The following CSMD1 variants were observed in gnomAD, a reference collection of about 807,000 sequenced individuals.
CSMD1 encodes the protein CUB and Sushi multiple domains 1.
Under a neutral mutation model 417.5 loss-of-function variants are expected in CSMD1, and 213 were observed. That is an observed-to-expected ratio of 0.51 (90% confidence interval 0.46 to 0.57). The LOEUF (loss-of-function observed/expected upper bound fraction) is 0.57, where lower values mean the gene tolerates loss of function less well. Among genes scored for constraint, CSMD1 ranks in the 20% least tolerant of loss-of-function variants. The probability of loss-of-function intolerance (pLI) is 0.00; values close to 1 mark genes in which losing one functional copy is unlikely to be tolerated. For synonymous variants in CSMD1, 2,862 were observed against 1,736.8 expected (o/e 1.65, Z -16.11); for missense variants, 6,923 against 4,529.7 (o/e 1.53, Z -15.17).
At chr8:4,307,295 A>C (rs1798301676) in intron 3 of CSMD1, among the ~76,000 whole-genome samples, 1 of 152,100 alleles carries the variant, frequency 6.6e-6, no homozygotes, top group Non-Finnish European at 1.5e-5. Context: ...TATATATATT[A>C]ATCCCCTAGC....
intron 3 of CSMD1, among the ~76,000 whole-genome samples, chr8:4,399,228 C>A (rs946637231): frequency 2.0e-5 from 3 of 152,050 alleles, no homozygotes. Context: ...TATGACAAAC[C>A]GTATTTCCCC....
intron 7 of CSMD1, among the ~76,000 whole-genome samples, chr8:3,631,732 G>A (rs1173892692): frequency 6.6e-6 from 1 of 152,218 alleles, no homozygotes; most frequent in Non-Finnish European, 1.5e-5. Context: ...AACTCTCTGA[G>A]AATAGCATTT....
chr8:3,044,533 C>T (rs1030112126), intron 50 of CSMD1, among the ~76,000 whole-genome samples: 1 of 152,052 alleles, frequency 6.6e-6, no homozygotes, highest in African/African-American at 2.4e-5. Flanking sequence ...GACTGTTAAA[C>T]CCAGTCCGTT....
intron 3 of CSMD1, among the ~76,000 whole-genome samples, chr8:4,248,012 T>C (rs1486240583): frequency 6.6e-6 from 1 of 152,186 alleles, no homozygotes; most frequent in Non-Finnish European, 1.5e-5. Flanking sequence ...TCCATAATTG[T>C]ATATAGATTT....
At chr8:3,492,032 T>A (rs566903063) in intron 11 of CSMD1, among the ~76,000 whole-genome samples, 1 of 152,158 alleles carries the variant, frequency 6.6e-6, no homozygotes, top group Non-Finnish European at 1.5e-5. Flanking sequence ...TAGGAAGGGA[T>A]GAGGAAAAGG....
chr8:2,976,816 T>C (rs1217653471), intron 55 of CSMD1, among the ~76,000 whole-genome samples: 3 of 152,208 alleles, frequency 2.0e-5, no homozygotes, highest in African/African-American at 7.2e-5. Context: ...ACAGTCAATC[T>C]GATTTTTTTT....
chr8:3,436,068 C>A (rs1814538967), intron 12 of CSMD1, among the ~76,000 whole-genome samples: 3 of 152,180 alleles, frequency 2.0e-5, no homozygotes, highest in African/African-American at 7.2e-5. Flanking sequence ...TCCAGAGACT[C>A]ACACTGCTGG....
chr8:4,468,107 C>G (rs1278454424), intron 2 of CSMD1, among the ~76,000 whole-genome samples: 1 of 152,160 alleles, frequency 6.6e-6, no homozygotes, highest in Non-Finnish European at 1.5e-5. Flanking sequence ...GAACCGCTTT[C>G]TAAAATTCAG....
intron 6 of CSMD1, among the ~76,000 whole-genome samples, chr8:3,720,807 C>T (rs112552618): frequency 6.6e-5 from 10 of 151,730 alleles, no homozygotes; most frequent in African/African-American, 2.4e-4. Flanking sequence ...GAGATGTGAA[C>T]ATCTAACGTT....
chr8:4,958,631 G>A (rs1478071444), intron 1 of CSMD1, among the ~76,000 whole-genome samples: 5 of 152,110 alleles, frequency 3.3e-5, no homozygotes, highest in Non-Finnish European at 5.9e-5. Flanking sequence ...ATTCAAGTAT[G>A]GGATCTATGT....
chr8:3,386,465 C>A (rs191679320), intron 18 of CSMD1, among the ~76,000 whole-genome samples: 9 of 152,294 alleles, frequency 5.9e-5, no homozygotes, highest in African/African-American at 2.2e-4. Context: ...TGGTCTCGGC[C>A]ACAGTGCCAG....
chr8:2,974,325 C>T (rs1308625777), intron 56 of CSMD1, 126 bp downstream of exon 56: 7 of 899,450 alleles, frequency 7.8e-6, no homozygotes, highest in Non-Finnish European at 9.5e-6. Context: ...AAATGCAATA[C>T]TAATTTCAAA....
At position 3,503,294 on chromosome 8, in the gene CSMD1, C is replaced by G. The variant is rs918829315; in HGVS notation, c.1345-9568G>C. Among the ~76,000 whole-genome samples, 7 of 152,174 alleles carry G rather than the reference C, an allele frequency of 4.6e-5. No homozygotes were observed. The East Asian group carries it at 5.8e-4, about 13-fold the overall frequency. On this transcript the variant is annotated intron_variant, in intron 10 of 69. Coordinates refer to ENST00000635120, the MANE Select transcript of CSMD1 (RefSeq NM_033225.6). ...CCCCACATATAAACACTAGGAGTCT[C>G]TTATAAACTACAATTCAATGCACTG... is the stretch of plus-strand genomic sequence containing the variant.
intron 3 of CSMD1, among the ~76,000 whole-genome samples, chr8:4,368,909 G>C (rs1264903317): frequency 6.6e-6 from 1 of 151,782 alleles, no homozygotes; most frequent in African/African-American, 2.4e-5. Flanking sequence ...ATCAACTTTT[G>C]GTTTTATTGA....
chr8:4,884,470 G>T (rs1803600530), intron 1 of CSMD1, among the ~76,000 whole-genome samples: 1 of 151,974 alleles, frequency 6.6e-6, no homozygotes, highest in African/African-American at 2.4e-5. Flanking sequence ...TGCCTGTAGA[G>T]ATTCATGCCT....
chr8:4,612,521 T>A lies in CSMD1; in HGVS notation c.302+24821A>T, dbSNP rs968355602. Among the ~76,000 whole-genome samples, 7 of 152,192 alleles carry A rather than the reference T, an allele frequency of 4.6e-5. No homozygotes were observed. The South Asian group carries it at 8.3e-4, about 18-fold the overall frequency. ...ACAGGCAAATTGTGGCCTCCAATAT[T>A]TGGTGCATTTTAAGCTTTCTCCACA... On this transcript the variant is annotated intron_variant, in intron 2 of 69. Transcript: ENST00000635120.
In CSMD1 at chr8:3,375,438, T is replaced by C. The variant is rs574031918; in HGVS notation, c.2783-6068A>G. Among the ~76,000 whole-genome samples, 3 of 152,260 alleles carry C rather than the reference T, an allele frequency of 2.0e-5. No homozygotes were observed. The Middle Eastern group carries it at 0.01, about 518-fold the overall frequency. On this transcript the variant is annotated intron_variant, in intron 18 of 69. Coordinates refer to ENST00000635120, the MANE Select transcript of CSMD1 (RefSeq NM_033225.6). Reference sequence around the variant, plus strand: ...TTTCTTGTTCTCCTGAAACCACAAATACAGTTCTATTTGAAGTCAGACTTA... The same window carrying C: ...TTTCTTGTTCTCCTGAAACCACAAACACAGTTCTATTTGAAGTCAGACTTA...
At chr8:3,349,624 T>C (rs1808258358) in intron 21 of CSMD1, among the ~76,000 whole-genome samples, 1 of 151,670 alleles carries the variant, frequency 6.6e-6, no homozygotes, top group Non-Finnish European at 1.5e-5. Context: ...GAAATTACAG[T>C]AATTATATAA....
intron 2 of CSMD1, among the ~76,000 whole-genome samples, chr8:4,488,886 G>C (rs139363150): frequency 4.2e-4 from 64 of 152,304 alleles, no homozygotes; most frequent in African/African-American, 1.4e-3. Context: ...CTTTCCTGCA[G>C]AATGTGCATG....
Sources: allele counts gnomAD v4.1 joint callset (sites outside exome capture counted in the v4.1 genomes callset), GRCh38; gene constraint gnomAD v4.1.1; transcripts MANE v1.5; gene names NCBI Gene and HGNC (gene_info 2026-07-23, HGNC 2026-07-21).